GNAS: variants seen among roughly 807,000 people sequenced by gnomAD.
GNAS encodes protein ALEX.
Under a neutral mutation model 54.5 loss-of-function variants are expected in GNAS, and 8 were observed. The observed-to-expected ratio is 0.15, with a 90% confidence interval of 0.09 to 0.26. The LOEUF is 0.26. Among genes scored for constraint, GNAS ranks in the 10% least tolerant of loss-of-function variants. GNAS has a pLI of 1.00. For missense variants in GNAS, 170 were observed against 529.8 expected (o/e 0.32, Z 6.67); for synonymous variants, 204 against 191.4 (o/e 1.07, Z -0.54).
chr20:58,850,435 CT>C (rs1398978535), intron 1 of GNAS: 1 of 397,690 alleles, frequency 2.5e-6, no homozygotes, highest in Non-Finnish European at 4.4e-6. Flanking sequence ...ACAAATGGTA[CT>C]TTGGGGGTGA....
At chr20:58,860,854 G>T (rs946783085) in intron 1 of GNAS, among the ~76,000 whole-genome samples, 1 of 152,124 alleles carries the variant, frequency 6.6e-6, no homozygotes, top group Non-Finnish European at 1.5e-5. Flanking sequence ...TAGAGATGGG[G>T]TTTCACCATG....
chr20:58,906,039 T>C (rs1314258511), intron 6 of GNAS, among the ~76,000 whole-genome samples: 1 of 152,220 alleles, frequency 6.6e-6, no homozygotes, highest in African/African-American at 2.4e-5. Flanking sequence ...CTCTATTTCA[T>C]ATCCTTATTT....
At chr20:58,848,935 G>C (rs1017497973) in intron 1 of GNAS, 2 of 398,336 alleles carry the variant, frequency 5.0e-6, no homozygotes, top group African/African-American at 2.1e-5. Context: ...GAAATAACAG[G>C]AGTGGAAAAA....
chr20:58,842,001 C>A, intron 1 of GNAS: 1 of 893,228 alleles, frequency 1.1e-6, no homozygotes, highest in Non-Finnish European at 1.5e-6. Flanking sequence ...GGCGCCAGTC[C>A]TTGGACGATC....
chr20:58,895,509 T>G, intron 1 of GNAS, 103 bp from the exon 2 acceptor site: 1 of 758,086 alleles, frequency 1.3e-6, no homozygotes, highest in Non-Finnish European at 2.4e-6. Context: ...TTTGGTTTTT[T>G]GCATGTTGCT....
chr20:58,904,774 T>A (rs1353338043), intron 5 of GNAS, among the ~76,000 whole-genome samples: 2 of 152,180 alleles, frequency 1.3e-5, no homozygotes, highest in East Asian at 3.8e-4. Context: ...AAAAAAGCAA[T>A]AAACACAATA....
At chr20:58,855,674 CG>C in intron 1 of GNAS, 1 of 624,694 alleles carries the variant, frequency 1.6e-6, no homozygotes, top group Non-Finnish European at 3.0e-6. Context: ...GGAGGGGCCC[CG>C]GGGCCCCGGG....
chr20:58,840,230 C>A (rs112532266), upstream of GNAS: 1 of 1,610,978 alleles, frequency 6.2e-7, no homozygotes, highest in African/African-American at 1.3e-5. This position sits in a 1 kb window ranked among gnomAD's most constrained non-coding sequence, Gnocchi z 6.0. Context: ...CATCGCGCTC[C>A]TCCGCGCCCT....
rs376106961 is a variant in GNAS at position 58,854,273 on chromosome 20, C to T, written c.43+13387C>T. On this transcript the variant is annotated intron_variant, in intron 1 of 12. Coordinates refer to the GNAS transcript ENST00000306090. Reference sequence around the variant, plus strand: ...CCCCAATCGCGCTTGACGGCCCGCCCATCAAGGTCTCCGGAGCCCCAGATA... The same window carrying T: ...CCCCAATCGCGCTTGACGGCCCGCCTATCAAGGTCTCCGGAGCCCCAGATA... 21 of 1,612,004 alleles carry T rather than the reference C, an allele frequency of 1.3e-5. No homozygotes were observed. The Admixed American group carries it at 3.0e-4, about 23-fold the overall frequency.
intron 1 of GNAS, among the ~76,000 whole-genome samples, chr20:58,868,904 C>CT (rs2087245186): frequency 6.6e-6 from 1 of 152,180 alleles, no homozygotes; most frequent in Non-Finnish European, 1.5e-5. Context: ...TGGCGCTCGG[C>CT]TTTTACGATT....
chr20:58,870,123 A>G (rs1000451515), intron 1 of GNAS, among the ~76,000 whole-genome samples: 1 of 152,216 alleles, frequency 6.6e-6, no homozygotes, highest in Non-Finnish European at 1.5e-5. Flanking sequence ...TCCATACCCC[A>G]TTCATATACA....
At chr20:58,893,136 T>C (rs1427871818) in intron 1 of GNAS, among the ~76,000 whole-genome samples, 1 of 145,836 alleles carries the variant, frequency 6.9e-6, no homozygotes, top group Non-Finnish European at 1.5e-5. Context: ...CTAAGGAGAC[T>C]TTTCCTCCAG....
At chr20:58,905,895 C>A (rs775563741) in intron 6 of GNAS, among the ~76,000 whole-genome samples, 1 of 152,088 alleles carries the variant, frequency 6.6e-6, no homozygotes, top group African/African-American at 2.4e-5. Context: ...GACATAGCTA[C>A]GCCTCCTCTC....
chr20:58,874,383 T>C (rs902830921), intron 1 of GNAS, among the ~76,000 whole-genome samples: 1 of 152,246 alleles, frequency 6.6e-6, no homozygotes, highest in Non-Finnish European at 1.5e-5. Context: ...TAAAATTCTC[T>C]TAGGAAGATG....
chr20:58,841,577 C>T lies in GNAS; in HGVS notation c.43+691C>T. ...GCCACAGCCCGCCTCCCGTCGCTCG[C>T]GGGACAGAGACCGCCTCAAAGAGCG... On this transcript the variant is annotated intron_variant, in intron 1 of 12. Coordinates refer to the GNAS transcript ENST00000306090. This position sits in a 1 kb window ranked among gnomAD's most constrained non-coding sequence, Gnocchi z 5.0. The T allele has an allele frequency of 9.9e-7, 1 of 1,006,784 alleles. No individual in the cohort carries two copies. The highest frequency in any genetic ancestry group is 1.2e-6 in the Non-Finnish European group (1 of 844,594). The allele number at this position is 1,006,784 out of a possible 1,614,324, so 62.4% of individuals were successfully genotyped here.
intron 1 of GNAS, chr20:58,852,976 GCGTAAGGA>G (rs2086244137): frequency 8.5e-7 from 1 of 1,172,290 alleles, no homozygotes. Context: ...AGAGAGGAGG[GCGTAAGGA>G]TAGACCAAGG....
At chr20:58,854,081 G>T (rs748086288) in intron 1 of GNAS, 1 of 1,612,182 alleles carries the variant, frequency 6.2e-7, no homozygotes, top group East Asian at 2.2e-5. Flanking sequence ...CCGCGAACGC[G>T]CCTCCCCTCT....
At chr20:58,893,957 T>G (rs1188762607) in intron 1 of GNAS, among the ~76,000 whole-genome samples, 1 of 151,990 alleles carries the variant, frequency 6.6e-6, no homozygotes, top group African/African-American at 2.4e-5. Context: ...ATGACTACAT[T>G]ACATCATGAT....
chr20:58,876,270 A>G (rs1368746838), intron 1 of GNAS, among the ~76,000 whole-genome samples: 1 of 152,168 alleles, frequency 6.6e-6, no homozygotes, highest in Non-Finnish European at 1.5e-5. Flanking sequence ...CTAACACTCG[A>G]GTTTCCTTAT....
Sources: allele counts gnomAD v4.1 joint callset (sites outside exome capture counted in the v4.1 genomes callset), GRCh38; gene constraint gnomAD v4.1.1; non-coding constraint Gnocchi (gnomAD v3.1); transcripts MANE v1.5; gene names NCBI Gene and HGNC (gene_info 2026-07-23, HGNC 2026-07-21).